Variants in PKHD1L1 observed in about 807,000 individuals in gnomAD.
PKHD1L1 encodes the protein fibrocystin-L.
In PKHD1L1, 434 loss-of-function variants were observed where a neutral mutation model predicts 462.9. The observed-to-expected ratio is 0.94, with a 90% confidence interval of 0.87 to 1.02. The LOEUF (loss-of-function observed/expected upper bound fraction) is 1.02, where lower values mean the gene tolerates loss of function less well. Ranked by LOEUF, PKHD1L1 falls within the 50% of genes least tolerant of loss-of-function variation. The pLI, the probability that PKHD1L1 is intolerant of heterozygous loss-of-function variation, is 0.00. For missense variants in PKHD1L1, 5,202 were observed against 5,096.1 expected (o/e 1.02, Z -0.63); for synonymous variants, 1,781 against 1,750.0 (o/e 1.02, Z -0.44).
chr8:109,456,360 G>T lies in PKHD1L1; in HGVS notation c.6973G>T (p.Asp2325Tyr). Residue 2325 changes from aspartate to tyrosine, a missense_variant, in exon 46 of 78, where the codon GAT becomes TAT. By Grantham distance (160) the Asp-to-Tyr change is radical (BLOSUM62 -3). Around this residue, in one of 3 missense-constraint regions of PKHD1L1, gnomAD observed 4,497 missense variants for 4,336.8 expected, o/e 1.04. Coordinates refer to ENST00000378402, the MANE Select transcript of PKHD1L1 (RefSeq NM_177531.6). ...AGAAGCAGTAACATGGAAACCAGGA[G>T]ATAACATTGTAATTGCAAGCACAGG... ...LQEAVTWKPG[D>Y]NIVIASTGHR... The T allele has an allele frequency of 6.2e-7, 1 of 1,609,930 alleles. No homozygotes were observed. Among genetic ancestry groups the T allele is most frequent in the Admixed American group, 1.7e-5 (1 of 59,512 alleles).
chr8:109,389,858 C>G (rs1198011824), intron 8 of PKHD1L1, among the ~76,000 whole-genome samples: 1 of 152,066 alleles, frequency 6.6e-6, no homozygotes, highest in Non-Finnish European at 1.5e-5. Context: ...GCTTCCCTCT[C>G]TTCTGTCTCA....
intron 2 of PKHD1L1, among the ~76,000 whole-genome samples, chr8:109,365,019 G>A (rs1348258044): frequency 6.6e-6 from 1 of 152,120 alleles, no homozygotes; most frequent in Non-Finnish European, 1.5e-5. Context: ...AAGTATAATA[G>A]AGAAATAATA....
In PKHD1L1 at chr8:109,406,446, A is replaced by G. The variant is rs1220695889; in HGVS notation, c.1781A>G (p.Tyr594Cys). Residue 594 changes from tyrosine to cysteine, a missense_variant, in exon 17 of 78, where the codon TAT (tyrosine) becomes TGT (cysteine). By Grantham distance (194) the Tyr-to-Cys change is radical. Transcript: ENST00000378402. The part of the protein sequence containing the change: ...QVIRTQNPQS[Y>C]VYMVTFISTR... ...ATAAGAACACAAAATCCCCAGAGCT[A>G]TGTCTACATGGTAACATTCATATCA... 1 of 1,602,550 alleles carries G rather than the reference A, an allele frequency of 6.2e-7. No individual in the cohort carries two copies. Among genetic ancestry groups the G allele is most frequent in the Admixed American group, 1.7e-5 (1 of 58,550 alleles).
At chr8:109,409,502 A>G (rs184386486) in intron 18 of PKHD1L1, among the ~76,000 whole-genome samples, 1 of 151,756 alleles carries the variant, frequency 6.6e-6, no homozygotes, top group Non-Finnish European at 1.5e-5. Flanking sequence ...GTTAATTTTG[A>G]GTTATTTGGA....
Position 109,452,144 on chromosome 8 carries a change from A to C in PKHD1L1, c.6371A>C (p.His2124Pro). The C allele has an allele frequency of 6.2e-7, 1 of 1,610,628 alleles. No individual in the cohort carries two copies. Among genetic ancestry groups the C allele is most frequent in the Non-Finnish European group, 8.5e-7 (1 of 1,178,548 alleles). The change falls in exon 42 of 78, where the codon CAT becomes CCT. Residue 2124 changes from histidine to proline, a missense_variant. By Grantham distance (77) the His-to-Pro change is moderately conservative. Transcript: ENST00000378402. ...TACAGTGAAAATATGGAGGATGTTCATATCACCATAGCTGAAGCCAAATGT... is the reference window on the plus strand; with the variant it reads ...TACAGTGAAAATATGGAGGATGTTCCTATCACCATAGCTGAAGCCAAATGT... ...SGFSENMEDVHITIAEAKCDV... is the reference protein window; with the variant it reads ...SGFSENMEDVPITIAEAKCDV...
At chr8:109,436,534 C>G in intron 30 of PKHD1L1, 75 bp downstream of exon 30, 1 of 1,565,088 alleles carries the variant, frequency 6.4e-7, no homozygotes, top group South Asian at 1.2e-5. Flanking sequence ...CTCAGTGGGG[C>G]GGGGGGTGAA....
rs534455831 is a variant in PKHD1L1 at position 109,392,784 on chromosome 8, G to A, written c.741-1631G>A. On this transcript the variant is annotated intron_variant, in intron 9 of 77. Coordinates refer to ENST00000378402, the MANE Select transcript of PKHD1L1 (RefSeq NM_177531.6). The stretch of plus-strand genomic sequence containing the variant: ...AATTCATATTTCACAAATTTCATGA[G>A]CATTGTTGAATATCAAACAAACCAA... 1.2e-3 allele frequency among the ~76,000 whole-genome samples: 182 copies of A among 152,080 alleles called. 1 individual carries two copies. The highest frequency in any genetic ancestry group is 4.2e-3 in the African/African-American group (174 of 41,470).
rs140453351 is a variant in PKHD1L1 at position 109,510,601 on chromosome 8, A to G, written c.11396-176A>G. ...CTTCCCTGCCTTCCTTTTTAAGCCA[A>G]GGTTTGAGAAATAGCTTAGCTGGCT... On this transcript the variant is annotated intron_variant, in intron 70 of 77. Coordinates refer to ENST00000378402, the MANE Select transcript of PKHD1L1 (RefSeq NM_177531.6). Among the ~76,000 whole-genome samples the G allele has an allele frequency of 4.1e-3, 618 of 152,240 alleles. 5 individuals are homozygous for G. The highest frequency in any genetic ancestry group is 0.014 in the African/African-American group (582 of 41,568).
intron 6 of PKHD1L1, 110 bp from the exon 7 acceptor site, chr8:109,388,387 G>A (rs547689357): frequency 2.8e-4 from 210 of 746,200 alleles, no homozygotes; most frequent in Admixed American, 2.7e-4. Context: ...ATAATAATAA[G>A]TGATTGAGAA....
Position 109,532,661 on chromosome 8 carries a change from C to T in PKHD1L1, c.*2571C>T, listed in dbSNP as rs1221529412. On this transcript the variant is annotated 3_prime_UTR_variant, in exon 78 of 78. Transcript: ENST00000378402. ...TTCCAATTTTGGTCAAAGTAAGAAA[C>T]AGAGAATAAAAAGTTAATAAGAATA... Among the ~76,000 whole-genome samples, 1 of 152,120 alleles carries T rather than the reference C, an allele frequency of 6.6e-6. No homozygotes were observed. The highest frequency in any genetic ancestry group is 1.5e-5 in the Non-Finnish European group (1 of 68,002).
intron 22 of PKHD1L1, 33 bp from the exon 23 acceptor site, chr8:109,420,485 C>A: frequency 2.9e-6 from 4 of 1,397,686 alleles, no homozygotes; most frequent in Non-Finnish European, 3.8e-6. Context: ...GTTACTTTTA[C>A]ACCAACCTAA....
At chr8:109,430,437 G>C (rs369186543) in intron 27 of PKHD1L1, among the ~76,000 whole-genome samples, 2 of 152,070 alleles carry the variant, frequency 1.3e-5, no homozygotes, top group Non-Finnish European at 1.5e-5. Flanking sequence ...AGTATTAAAA[G>C]GCTAGTAACA....
At chr8:109,415,507 G>A (rs1410602020) in intron 21 of PKHD1L1, among the ~76,000 whole-genome samples, 1 of 151,844 alleles carries the variant, frequency 6.6e-6, no homozygotes, top group Non-Finnish European at 1.5e-5. Flanking sequence ...AGCAAAGCTA[G>A]GTCCCCGGAC....
chr8:109,398,512 C>T lies in PKHD1L1; in HGVS notation c.976C>T (p.Pro326Ser). ...VTENSICCKTPPKPHILKTVY... is the reference protein window; with the variant it reads ...VTENSICCKTSPKPHILKTVY... ...AGAAAATAGTATATGTTGCAAGACACCCCCCAAACCTCATATTCTCAAAAC... is the reference window on the plus strand; with the variant it reads ...AGAAAATAGTATATGTTGCAAGACATCCCCCAAACCTCATATTCTCAAAAC... Residue 326 changes from proline to serine, a missense_variant, in exon 12 of 78, where the codon CCC becomes TCC. Pro to Ser is a moderately conservative substitution (Grantham distance 74, BLOSUM62 -1). This residue lies in a region of PKHD1L1 where 4,497 missense variants were observed against 4,336.8 expected (regional missense o/e 1.04). Transcript: ENST00000378402. 1.3e-6 allele frequency: 2 copies of T among 1,572,634 alleles called. No homozygotes were observed. Among genetic ancestry groups the T allele is most frequent in the Non-Finnish European group, 1.7e-6 (2 of 1,154,578 alleles).
chr8:109,527,136 G>A (rs1820857886), intron 77 of PKHD1L1, 116 bp downstream of exon 77: 3 of 880,984 alleles, frequency 3.4e-6, no homozygotes, highest in Non-Finnish European at 5.2e-6. Context: ...CAAAGAGAAA[G>A]TAACAGCCTC....
chr8:109,394,506 T>A (rs1455506541), intron 10 of PKHD1L1, 21 bp downstream of exon 10: 3 of 1,448,266 alleles, frequency 2.1e-6, no homozygotes, highest in South Asian at 2.8e-5. Flanking sequence ...TTTCTTTCAC[T>A]CTGTTGCGGG....
intron 11 of PKHD1L1, among the ~76,000 whole-genome samples, chr8:109,396,387 C>T (rs1812977351): frequency 6.6e-6 from 1 of 152,166 alleles, no homozygotes; most frequent in East Asian, 1.9e-4. Context: ...CTTTGTGTAG[C>T]AGCATTGTAG....
intron 56 of PKHD1L1, 24 bp from the exon 57 acceptor site, chr8:109,482,963 T>C (rs2844254): frequency 3.4e-6 from 5 of 1,479,550 alleles, no homozygotes; most frequent in Admixed American, 1.9e-5. Context: ...GGTGAATAAG[T>C]AGGAGTGTGC....
At chr8:109,392,660 C>T (rs1414062538) in intron 9 of PKHD1L1, among the ~76,000 whole-genome samples, 3 of 151,944 alleles carry the variant, frequency 2.0e-5, no homozygotes, top group Admixed American at 6.6e-5. Flanking sequence ...GGTAATCTTA[C>T]ATTAAGATTA....
Sources: gnomAD v4.1 joint callset for allele counts (sites outside exome capture counted in the v4.1 genomes callset) on GRCh38, gnomAD v4.1.1 for gene constraint, gnomAD v4.1.1 regional missense constraint, MANE v1.5 for transcripts, NCBI Gene and HGNC (gene_info 2026-07-23, HGNC 2026-07-21) for gene names.